The following SMAD9 variants were observed in gnomAD, a reference collection of about 807,000 sequenced individuals.
SMAD9 encodes MAD homolog 9.
SMAD9 carries 36 observed loss-of-function variants against 46.1 expected under a neutral mutation model. The ratio of observed to expected loss-of-function variants is 0.78; its 90% CI spans 0.60 to 1.03. SMAD9 has a LOEUF of 1.03. Ranked by LOEUF, SMAD9 falls within the 50% of genes least tolerant of loss-of-function variation. SMAD9 has a pLI of 0.00. For missense variants in SMAD9, 572 were observed against 599.8 expected, an observed-to-expected ratio of 0.95 and a Z score of 0.48; for synonymous variants, 245 against 237.1, an observed-to-expected ratio of 1.03 and a Z score of -0.31.
intron 1 of SMAD9, among the ~76,000 whole-genome samples, chr13:36,885,439 C>G (rs540217089): frequency 2.0e-5 from 3 of 152,174 alleles, no homozygotes; most frequent in African/African-American, 7.2e-5. Flanking sequence ...CTTAAAGTAG[C>G]CTGGCATTCC....
intron 5 of SMAD9, among the ~76,000 whole-genome samples, chr13:36,860,453 T>C (rs1392787856): frequency 6.9e-6 from 1 of 145,714 alleles, no homozygotes; most frequent in Non-Finnish European, 1.5e-5. Flanking sequence ...TTTTTTACCT[T>C]TTTTTTTTTT....
At chr13:36,904,643 G>C (rs1402914336) in intron 1 of SMAD9, among the ~76,000 whole-genome samples, 7 of 152,168 alleles carry the variant, frequency 4.6e-5, no homozygotes, top group Non-Finnish European at 1.0e-4. Context: ...CCACAGCTCA[G>C]ACATCCCAGG....
At chr13:36,915,704 G>A (rs2058693506) in intron 1 of SMAD9, among the ~76,000 whole-genome samples, 1 of 152,158 alleles carries the variant, frequency 6.6e-6, no homozygotes, top group Non-Finnish European at 1.5e-5. Flanking sequence ...TGGGAATGAG[G>A]GGGAAGAACC....
intron 1 of SMAD9, among the ~76,000 whole-genome samples, chr13:36,905,834 T>G (rs1356972407): frequency 4.6e-5 from 2 of 43,676 alleles, no homozygotes; most frequent in Non-Finnish European, 1.0e-4. Context: ...CTTTGTTATA[T>G]TTTTTTAAAA....
At chr13:36,890,867 A>C (rs2058483845) in intron 1 of SMAD9, among the ~76,000 whole-genome samples, 1 of 151,980 alleles carries the variant, frequency 6.6e-6, no homozygotes, top group Non-Finnish European at 1.5e-5. Flanking sequence ...CAGCCAAAAC[A>C]GGAGGAATGT....
chr13:36,887,756 A>G (rs746153769), intron 1 of SMAD9, among the ~76,000 whole-genome samples: 1 of 152,172 alleles, frequency 6.6e-6, no homozygotes, highest in African/African-American at 2.4e-5. Flanking sequence ...TGCATGTGGC[A>G]AAAGATAGAA....
chr13:36,903,947 T>C (rs542965768), intron 1 of SMAD9, among the ~76,000 whole-genome samples: 18 of 152,294 alleles, frequency 1.2e-4, no homozygotes, highest in Admixed American at 2.0e-4. Context: ...CTTTGATGCA[T>C]ACTATTTACT....
rs1374373759 is a variant in SMAD9 at position 36,848,859 on chromosome 13, T to TAA, written c.1261-41_1261-40insTT. 1.9e-6 allele frequency: 3 copies of TAA among 1,605,968 alleles called. No individual in the cohort carries two copies. The Admixed American group carries it at 5.0e-5, about 27-fold the overall frequency. Reference sequence around the variant, plus strand: ...AGGAGCTGAGTGATGGTGCCACACTTACACTCAGCCTCCAGAGCCCCAGGC... The same window carrying TAA: ...AGGAGCTGAGTGATGGTGCCACACTTAAACACTCAGCCTCCAGAGCCCCAGGC... On this transcript the variant is annotated intron_variant, in intron 6 of 6. Transcript: ENST00000379826.
In SMAD9 at chr13:36,852,455, C is replaced by T. The variant is rs1246714780; in HGVS notation, c.1260+964G>A. On this transcript the variant is annotated intron_variant, in intron 6 of 6. Coordinates refer to ENST00000379826, the MANE Select transcript of SMAD9 (RefSeq NM_001127217.3). ...AACTGAAGGCTTTCACTTCCATATA[C>T]AAACCCAGTTGTCTTTCCTTCCCAC... 3.0e-6 allele frequency: 3 copies of T among 985,300 alleles called. No homozygotes were observed. In the African/African-American group the frequency reaches 5.2e-5, roughly 17 times the overall value. 61.0% of individuals were successfully genotyped at this position (985,300 alleles called of 1,614,324 possible). A position where few individuals can be genotyped will look rare whatever the true frequency, so the allele number is the denominator to read the frequency against.
intron 2 of SMAD9, among the ~76,000 whole-genome samples, chr13:36,874,882 CAT>C (rs1169416473): frequency 1.3e-4 from 15 of 119,470 alleles, no homozygotes; most frequent in East Asian, 2.2e-4. Context: ...AAAAAAAATA[CAT>C]ATATATATAT....
chr13:36,878,233 A>G (rs1353099399), intron 2 of SMAD9, among the ~76,000 whole-genome samples: 2 of 152,188 alleles, frequency 1.3e-5, no homozygotes, highest in African/African-American at 4.8e-5. Flanking sequence ...TTCCTATACA[A>G]TCATGCACTG....
chr13:36,908,810 T>C (rs560086676), intron 1 of SMAD9, among the ~76,000 whole-genome samples: 1 of 152,290 alleles, frequency 6.6e-6, no homozygotes, highest in African/African-American at 2.4e-5. Context: ...CACTGTAAAA[T>C]CAGAGACTCT....
intron 1 of SMAD9, among the ~76,000 whole-genome samples, chr13:36,913,031 TTATAATACCTACTA>T (rs1169547603): frequency 1.3e-5 from 2 of 152,246 alleles, no homozygotes; most frequent in Admixed American, 6.5e-5. Context: ...CTTAGCTTAC[TTATAATACCTACTA>T]TACTGTAAAT....
Position 36,853,642 on chromosome 13 carries a change from T to G in SMAD9, c.1037A>C (p.Tyr346Ser). ...VHLYYVGGEV[Y>S]AECVSDSSIF... ...GCTGCTGTCACTCACGCACTCGGCATACACCTCTCCCCCGACGTAGTACAA... is the reference window on the plus strand; with the variant it reads ...GCTGCTGTCACTCACGCACTCGGCAGACACCTCTCCCCCGACGTAGTACAA... Residue 346 changes from tyrosine (Y) to serine (S), a missense_variant, in exon 6 of 7, where the codon TAT becomes TCT. Physicochemically the swap from Tyr to Ser is moderately radical, Grantham distance 144. Coordinates refer to ENST00000379826, the MANE Select transcript of SMAD9 (RefSeq NM_001127217.3). 1.2e-6 allele frequency: 2 copies of G among 1,614,084 alleles called. No individual in the cohort carries two copies. The highest frequency in any genetic ancestry group is 1.7e-6 in the Non-Finnish European group (2 of 1,179,994).
intron 3 of SMAD9, among the ~76,000 whole-genome samples, chr13:36,869,567 G>C (rs1035218542): frequency 6.6e-6 from 1 of 152,076 alleles, no homozygotes; most frequent in Non-Finnish European, 1.5e-5. Context: ...GTGCAGTGGA[G>C]CATGCCTATA....
chr13:36,854,426 G>A (rs971234634), intron 5 of SMAD9, among the ~76,000 whole-genome samples: 6 of 151,330 alleles, frequency 4.0e-5, no homozygotes, highest in African/African-American at 1.5e-4. Flanking sequence ...GGAGTGCAGT[G>A]GCACGATTTC....
At chr13:36,885,978 C>T (rs185435356) in intron 1 of SMAD9, among the ~76,000 whole-genome samples, 2 of 152,028 alleles carry the variant, frequency 1.3e-5, no homozygotes, top group East Asian at 3.9e-4. Flanking sequence ...TGGGAAGAGC[C>T]TGGAAGGATT....
At position 36,890,593 on chromosome 13, in the gene SMAD9, G is replaced by T. The variant is rs2769551; in HGVS notation, c.-186-10718C>A. On this transcript the variant is annotated intron_variant, in intron 1 of 6. Transcript: ENST00000379826. ...AACAGCTTAGCTTGAATTTGGAAGAGATATTTCTCTTTGTTTAAAGTAGGT... is the reference window on the plus strand; with the variant it reads ...AACAGCTTAGCTTGAATTTGGAAGATATATTTCTCTTTGTTTAAAGTAGGT... Among the ~76,000 whole-genome samples, 1,074 of 152,304 alleles carry T rather than the reference G, an allele frequency of 7.1e-3. 12 individuals carry two copies. Among genetic ancestry groups the T allele is most frequent in the African/African-American group, 0.025 (1,033 of 41,564 alleles).
At chr13:36,907,097 C>G (rs193095559) in intron 1 of SMAD9, among the ~76,000 whole-genome samples, 47 of 152,202 alleles carry the variant, frequency 3.1e-4, no homozygotes, top group Non-Finnish European at 5.7e-4. Flanking sequence ...TGTGGATGAA[C>G]CTTCAAAAGA....
Sources: gnomAD v4.1 joint callset for allele counts (sites outside exome capture counted in the v4.1 genomes callset) on GRCh38, gnomAD v4.1.1 for gene constraint, MANE v1.5 for transcripts, NCBI Gene and HGNC (gene_info 2026-07-23, HGNC 2026-07-21) for gene names.